The following BCO2 variants were observed in gnomAD, a reference collection of about 807,000 sequenced individuals.
BCO2 encodes carotenoid-cleaving dioxygenase, mitochondrial.
In BCO2, 56 loss-of-function variants were observed where a neutral mutation model predicts 65.8. The ratio of observed to expected loss-of-function variants is 0.85; its 90% CI spans 0.69 to 1.06. The LOEUF is 1.06. Among genes scored for constraint, BCO2 ranks in the 50% least tolerant of loss-of-function variants. The probability of loss-of-function intolerance (pLI) is 0.00; values close to 1 mark genes in which losing one functional copy is unlikely to be tolerated. For missense variants in BCO2, 675 were observed against 698.5 expected, an observed-to-expected ratio of 0.97 and a Z score of 0.38; for synonymous variants, 233 against 242.3, an observed-to-expected ratio of 0.96 and a Z score of 0.36.
intron 2 of BCO2, among the ~76,000 whole-genome samples, chr11:112,187,718 CA>C (rs1867242539): frequency 6.6e-6 from 1 of 152,166 alleles, no homozygotes; most frequent in Non-Finnish European, 1.5e-5. Context: ...AACTTTGATG[CA>C]TCACGATCCC....
intron 8 of BCO2, among the ~76,000 whole-genome samples, chr11:112,202,848 C>T (rs1422711218): frequency 6.6e-6 from 1 of 151,906 alleles, no homozygotes; most frequent in African/African-American, 2.4e-5. Context: ...GAATTTGAGA[C>T]CAGCCTGGAC....
chr11:112,200,106 A>C (rs1294852079), intron 6 of BCO2, among the ~76,000 whole-genome samples: 3 of 152,244 alleles, frequency 2.0e-5, no homozygotes, highest in Non-Finnish European at 4.4e-5. Flanking sequence ...CTTAAAGCCC[A>C]CAAATAGTAA....
chr11:112,206,543 G>A (rs553560491), intron 8 of BCO2, among the ~76,000 whole-genome samples: 208 of 152,318 alleles, frequency 1.4e-3, no homozygotes, highest in African/African-American at 4.8e-3. Context: ...AGGATTGCTT[G>A]AGCCCAGCAG....
At chr11:112,185,570 T>C (rs1867175163) in intron 2 of BCO2, among the ~76,000 whole-genome samples, 1 of 152,206 alleles carries the variant, frequency 6.6e-6, no homozygotes, top group Non-Finnish European at 1.5e-5. Flanking sequence ...ATGTATTTCC[T>C]GCCAGTTTTC....
chr11:112,192,351 C>A (rs1867414700), intron 2 of BCO2, among the ~76,000 whole-genome samples: 1 of 151,978 alleles, frequency 6.6e-6, no homozygotes, highest in African/African-American at 2.4e-5. Flanking sequence ...TCAGCTGAAC[C>A]CAATAATTAA....
Position 112,175,592 on chromosome 11 carries a change from C to A in BCO2, c.-10C>A. On this transcript the variant is annotated 5_prime_UTR_variant, in exon 1 of 12. Coordinates refer to ENST00000357685, the MANE Select transcript of BCO2 (RefSeq NM_031938.7). ...GGATTTGGAAATCACTGGATCTGCT[C>A]AATACAAAAATGTTTTTTCGAGTCT... is the stretch of plus-strand genomic sequence containing the variant. 1 of 1,604,742 alleles carries A rather than the reference C, an allele frequency of 6.2e-7. No individual in the cohort carries two copies. The highest frequency in any genetic ancestry group is 1.1e-5 in the South Asian group (1 of 90,850).
chr11:112,175,624 A>G lies in BCO2; in HGVS notation c.23A>G (p.His8Arg). The G allele has an allele frequency of 6.2e-7, 1 of 1,614,002 alleles. No homozygotes were observed. Among genetic ancestry groups the G allele is most frequent in the East Asian group, 2.2e-5 (1 of 44,890 alleles). Reference protein sequence around the residue: MFFRVFLHFIRSHSATAV... With the variant: MFFRVFLRFIRSHSATAV... ...AAAATGTTTTTTCGAGTCTTTCTCC[A>G]TTTTATCAGGAGTCATTCTGCCACT... Residue 8 changes from histidine (H) to arginine (R), a missense_variant, in exon 1 of 12, where the codon CAT becomes CGT. By Grantham distance (29) the His-to-Arg change is conservative (BLOSUM62 0). Coordinates refer to ENST00000357685, the MANE Select transcript of BCO2 (RefSeq NM_031938.7).
At position 112,176,020 on chromosome 11, in the gene BCO2, C is replaced by T. The variant is rs1283821756; in HGVS notation, c.88+331C>T. 9.5e-6 allele frequency: 2 copies of T among 209,620 alleles called. 1 individual carries two copies. Among genetic ancestry groups the T allele is most frequent in the Non-Finnish European group, 1.9e-5 (2 of 102,802 alleles). 13.0% of individuals were successfully genotyped at this position (209,620 alleles called of 1,614,324 possible). A position where few individuals can be genotyped will look rare whatever the true frequency, so the allele number is the denominator to read the frequency against. On this transcript the variant is annotated intron_variant, in intron 1 of 11. Coordinates refer to ENST00000357685, the MANE Select transcript of BCO2 (RefSeq NM_031938.7). ...AATTGAAAAATCACTGCCACACGTT[C>T]TAATGTAATTGTTTGGTTTCTCTAT...
At chr11:112,181,722 T>C in intron 2 of BCO2, 1 of 942,928 alleles carries the variant, frequency 1.1e-6, no homozygotes, top group Non-Finnish European at 1.7e-6. Context: ...TCCAACCAAG[T>C]CAGAACTGTG....
In BCO2 at chr11:112,175,644, G is replaced by A. The variant is rs770594350; in HGVS notation, c.43G>A (p.Ala15Thr). 3.1e-6 allele frequency: 5 copies of A among 1,613,974 alleles called. No homozygotes were observed. The South Asian group carries it at 4.4e-5, about 14-fold the overall frequency. Reference protein sequence around the residue: ...VFLHFIRSHSATAVDFLPVMV... With the variant: ...VFLHFIRSHSTTAVDFLPVMV... ...TCTCCATTTTATCAGGAGTCATTCT[G>A]CCACTGCAGTGGATTTCCTTCCTGT... The change falls in exon 1 of 12, where the codon GCC (alanine) becomes ACC (threonine). Residue 15 changes from alanine to threonine, a missense_variant. Physicochemically the swap from Ala to Thr is moderately conservative, Grantham distance 58. Transcript: ENST00000357685.
chr11:112,208,661 T>C (rs1473277677), intron 8 of BCO2: 3 of 214,570 alleles, frequency 1.4e-5, no homozygotes, highest in Non-Finnish European at 2.0e-5. Flanking sequence ...CATGCTCCAT[T>C]AATAAGCTTC....
intron 2 of BCO2, among the ~76,000 whole-genome samples, chr11:112,189,916 A>G (rs910572095): frequency 2.0e-5 from 3 of 152,244 alleles, no homozygotes; most frequent in African/African-American, 7.2e-5. Context: ...GAAGCATCAT[A>G]TTAATATCTA....
chr11:112,203,072 A>G (rs1867776951), intron 8 of BCO2, among the ~76,000 whole-genome samples: 1 of 150,404 alleles, frequency 6.6e-6, no homozygotes, highest in Non-Finnish European at 1.5e-5. Flanking sequence ...AAAAAAGCAT[A>G]TGTGATAGTT....
chr11:112,176,753 CAG>C (rs771937218), intron 1 of BCO2, among the ~76,000 whole-genome samples: 11 of 152,126 alleles, frequency 7.2e-5, no homozygotes, highest in Non-Finnish European at 1.0e-4. Flanking sequence ...CAGACATAAA[CAG>C]GAAGTATTAA....
chr11:112,203,008 C>A (rs1389547379), intron 8 of BCO2, among the ~76,000 whole-genome samples: 1 of 150,672 alleles, frequency 6.6e-6, no homozygotes, highest in African/African-American at 2.5e-5. Context: ...CAAGATCGCA[C>A]CACTGCACCC....
intron 2 of BCO2, among the ~76,000 whole-genome samples, chr11:112,188,715 C>T (rs1451451864): frequency 6.6e-6 from 1 of 152,054 alleles, no homozygotes; most frequent in Non-Finnish European, 1.5e-5. Flanking sequence ...TTCCCTGATT[C>T]CCCCAGCTTT....
rs561312118 is a variant in BCO2, at chr11:112,200,527, C to T, written c.866-86C>T. ...TTAGGGCATCAGTAACGTGTCCAGG[C>T]ATTCAGACAAGTCCCCATAACTGGC... On this transcript the variant is annotated intron_variant, in intron 6 of 11. Coordinates refer to ENST00000357685, the MANE Select transcript of BCO2 (RefSeq NM_031938.7). 1.1e-5 allele frequency: 13 copies of T among 1,201,066 alleles called. No individual in the cohort carries two copies. The Admixed American group carries it at 2.8e-4, about 26-fold the overall frequency. The allele number at this position is 1,201,066 out of a possible 1,614,324, so 74.4% of individuals were successfully genotyped here.
chr11:112,200,362 G>C, intron 6 of BCO2: 1 of 322,352 alleles, frequency 3.1e-6, no homozygotes, highest in East Asian at 6.0e-5. Flanking sequence ...AAAAAGAAAA[G>C]AAAAGGAAAA....
intron 2 of BCO2, chr11:112,181,428 G>T (rs1214270211): frequency 3.2e-6 from 2 of 616,492 alleles, no homozygotes; most frequent in Non-Finnish European, 6.1e-6. Flanking sequence ...TGATCCGCCC[G>T]CCTCGGCCTC....
Sources: gnomAD v4.1 joint callset for allele counts (sites outside exome capture counted in the v4.1 genomes callset) on GRCh38, gnomAD v4.1.1 for gene constraint, MANE v1.5 for transcripts, NCBI Gene and HGNC (gene_info 2026-07-23, HGNC 2026-07-21) for gene names.